Variants in BTBD9 observed in about 807,000 individuals in gnomAD.
The protein encoded by BTBD9 is BTB/POZ domain-containing protein 9.
In BTBD9, 49 loss-of-function variants were observed where a neutral mutation model predicts 64.3. That is an observed-to-expected ratio of 0.76 (90% CI 0.61 to 0.97). BTBD9 has a LOEUF of 0.97. Ranked by LOEUF, BTBD9 falls within the 50% of genes least tolerant of loss-of-function variation. The pLI is 0.00. For synonymous variants in BTBD9, 260 were observed against 274.7 expected, an observed-to-expected ratio of 0.95 and a Z score of 0.53; for missense variants, 598 against 762.1, an observed-to-expected ratio of 0.78 and a Z score of 2.53.
At chr6:38,296,981 G>A (rs1172504725) in intron 7 of BTBD9, among the ~76,000 whole-genome samples, 1 of 152,112 alleles carries the variant, frequency 6.6e-6, no homozygotes, top group Non-Finnish European at 1.5e-5. Flanking sequence ...TAATTTGGGG[G>A]ATGTATGGTT....
chr6:38,169,764 T>TCCCC lies in BTBD9; in HGVS notation c.*5217_*5220dup, dbSNP rs148610115. 5.1e-5 allele frequency: 4 copies of TCCCC among 78,140 alleles called. No individual in the cohort carries two copies. The highest frequency in any genetic ancestry group is 1.1e-4 in the Non-Finnish European group (4 of 36,140). The allele number at this position is 78,140 out of a possible 1,614,324, so 4.8% of individuals were successfully genotyped here. A position where few individuals can be genotyped will look rare whatever the true frequency, so the allele number is the denominator to read the frequency against. ...GCTGCAGGGCCTCCTCCACCCCCCC[T>TCCCC]CCCCCCCGCCCATTCAGGGCTATAA... On this transcript the variant is annotated 3_prime_UTR_variant, in exon 11 of 11. Transcript: ENST00000481247.
At chr6:38,216,776 G>C (rs1367741367) in intron 9 of BTBD9, among the ~76,000 whole-genome samples, 1 of 152,192 alleles carries the variant, frequency 6.6e-6, no homozygotes, top group Non-Finnish European at 1.5e-5. Flanking sequence ...CTCTAGTCCA[G>C]GGCTTCCCAT....
intron 6 of BTBD9, among the ~76,000 whole-genome samples, chr6:38,413,060 A>G (rs1402427549): frequency 6.6e-6 from 1 of 152,152 alleles, no homozygotes; most frequent in Non-Finnish European, 1.5e-5. Context: ...TCTTCCTACC[A>G]AACTCTTCTT....
At chr6:38,298,398 A>G (rs1762241107) in intron 7 of BTBD9, among the ~76,000 whole-genome samples, 1 of 152,204 alleles carries the variant, frequency 6.6e-6, no homozygotes, top group East Asian at 1.9e-4. Context: ...TAATATTTGT[A>G]CATACTTATG....
At chr6:38,573,801 A>G (rs1405608482) in intron 6 of BTBD9, among the ~76,000 whole-genome samples, 1 of 152,148 alleles carries the variant, frequency 6.6e-6, no homozygotes, top group Non-Finnish European at 1.5e-5. Context: ...AAATTTTAAG[A>G]GCACCCCCCA....
chr6:38,590,893 C>G (rs1426068411), intron 4 of BTBD9, among the ~76,000 whole-genome samples: 1 of 152,124 alleles, frequency 6.6e-6, no homozygotes, highest in African/African-American at 2.4e-5. Context: ...ACATTTATAT[C>G]CCTTGAATCA....
chr6:38,350,682 AGAT>A (rs1282573398), intron 6 of BTBD9, among the ~76,000 whole-genome samples: 1 of 152,202 alleles, frequency 6.6e-6, no homozygotes, highest in Non-Finnish European at 1.5e-5. Context: ...AGTTAGCCTG[AGAT>A]TGGTACAAAA....
intron 7 of BTBD9, among the ~76,000 whole-genome samples, chr6:38,344,628 A>G (rs1465834066): frequency 6.6e-6 from 1 of 152,218 alleles, no homozygotes; most frequent in African/African-American, 2.4e-5. Context: ...AAGTCTGAAC[A>G]TCCAATCAAT....
At chr6:38,571,320 G>C (rs1775756784) in intron 6 of BTBD9, among the ~76,000 whole-genome samples, 1 of 152,154 alleles carries the variant, frequency 6.6e-6, no homozygotes, top group Non-Finnish European at 1.5e-5. Context: ...GGGAACAAAA[G>C]AGAAATGAAA....
intron 8 of BTBD9, among the ~76,000 whole-genome samples, 168 bp downstream of exon 8, chr6:38,288,104 A>G (rs1431337118): frequency 3.3e-5 from 5 of 152,158 alleles, no homozygotes; most frequent in Non-Finnish European, 2.9e-5. Context: ...CAAGCACGCT[A>G]TATCTCGTTG....
intron 6 of BTBD9, among the ~76,000 whole-genome samples, chr6:38,550,315 CTTTTTT>C (rs1562327800): frequency 5.6e-5 from 6 of 106,906 alleles, no homozygotes; most frequent in African/African-American, 2.6e-4. Context: ...TTTTCTTTTT[CTTTTTT>C]CTTTTTTTTT....
intron 9 of BTBD9, among the ~76,000 whole-genome samples, chr6:38,240,314 AG>A (rs1287928962): frequency 2.0e-5 from 3 of 152,220 alleles, no homozygotes; most frequent in Non-Finnish European, 4.4e-5. Context: ...AAGGCCCCTC[AG>A]TCTCAGCTGG....
chr6:38,374,306 T>TATATATAC (rs1491240635), intron 6 of BTBD9, among the ~76,000 whole-genome samples: 2 of 84,654 alleles, frequency 2.4e-5, no homozygotes, highest in African/African-American at 5.8e-5. Flanking sequence ...TGTATATATA[T>TATATATAC]GTATATATAT....
intron 6 of BTBD9, among the ~76,000 whole-genome samples, chr6:38,483,845 C>T (rs4714167): frequency 0.13 from 19,357 of 152,172 alleles, 1,637 homozygotes; most frequent in East Asian, 0.32. Flanking sequence ...GAAAGGCCTT[C>T]CCTGACCGTT....
intron 6 of BTBD9, among the ~76,000 whole-genome samples, chr6:38,473,463 T>G (rs954484886): frequency 6.6e-6 from 1 of 152,232 alleles, no homozygotes; most frequent in Admixed American, 6.5e-5. Context: ...GACTTATCTC[T>G]TTGCCTATTT....
At chr6:38,406,060 A>T (rs1235002421) in intron 6 of BTBD9, among the ~76,000 whole-genome samples, 3 of 152,214 alleles carry the variant, frequency 2.0e-5, no homozygotes, top group African/African-American at 7.2e-5. Context: ...AAGTGGGCTC[A>T]ACTTTAGGCC....
At chr6:38,359,399 T>C (rs950760167) in intron 6 of BTBD9, among the ~76,000 whole-genome samples, 2 of 152,154 alleles carry the variant, frequency 1.3e-5, no homozygotes, top group African/African-American at 4.8e-5. Flanking sequence ...ATTCTGTGCT[T>C]GACTCTCAGC....
At chr6:38,625,036 T>C (rs1778122642) in intron 1 of BTBD9, among the ~76,000 whole-genome samples, 1 of 152,232 alleles carries the variant, frequency 6.6e-6, no homozygotes, top group Non-Finnish European at 1.5e-5. Context: ...CCTTTTGTCC[T>C]TCTCCTCCTC....
At chr6:38,293,095 G>A (rs761845112) in intron 7 of BTBD9, among the ~76,000 whole-genome samples, 12 of 152,060 alleles carry the variant, frequency 7.9e-5, no homozygotes, top group Non-Finnish European at 1.8e-4. Flanking sequence ...TCATTCAGGA[G>A]CAGTTGTTCA....
Sources: allele counts gnomAD v4.1 joint callset (sites outside exome capture counted in the v4.1 genomes callset), GRCh38; gene constraint gnomAD v4.1.1; transcripts MANE v1.5; gene names NCBI Gene and HGNC (gene_info 2026-07-23, HGNC 2026-07-21).